The following ADK variants were observed in gnomAD, a reference collection of about 807,000 sequenced individuals.
ADK encodes N6,N6-dimethyladenosine kinase.
In ADK, 24 loss-of-function variants were observed where a neutral mutation model predicts 44.7. The ratio of observed to expected loss-of-function variants is 0.54; its 90% CI spans 0.39 to 0.76. The LOEUF (loss-of-function observed/expected upper bound fraction) is 0.76, where lower values mean the gene tolerates loss of function less well. ADK is among the 30% of genes least tolerant of loss of function. ADK has a pLI of 0.00. For synonymous variants in ADK, 128 were observed against 142.6 expected (o/e 0.90, Z 0.73); for missense variants, 321 against 425.1 (o/e 0.76, Z 2.15).
At chr10:74,669,813 G>A (rs1286582680) in intron 9 of ADK, among the ~76,000 whole-genome samples, 3 of 151,964 alleles carry the variant, frequency 2.0e-5, no homozygotes, top group Non-Finnish European at 2.9e-5. Flanking sequence ...AGTCAGGCTC[G>A]AAGCTTTTTT....
chr10:74,152,391 C>G (rs539254955), intron 1 of ADK, among the ~76,000 whole-genome samples: 125 of 152,270 alleles, frequency 8.2e-4, no homozygotes, highest in African/African-American at 2.9e-3. Flanking sequence ...AATAAAAACC[C>G]TCAGGATATT....
In ADK at chr10:74,655,788, A is replaced by G. The variant is rs540051344; in HGVS notation, c.878-14395A>G. ...CCCTGGCCACCCACCTATCCAGGAC[A>G]TCAAGCCCATCAAGGCAGAGGTACA... On this transcript the variant is annotated intron_variant, in intron 9 of 10. Transcript: ENST00000539909. 2.6e-4 allele frequency: 127 copies of G among 496,058 alleles called. 1 individual carries two copies. The highest frequency in any genetic ancestry group is 2.3e-3 in the African/African-American group (118 of 51,084). The allele number at this position is 496,058 out of a possible 1,614,324, so 30.7% of individuals were successfully genotyped here.
intron 6 of ADK, among the ~76,000 whole-genome samples, chr10:74,465,953 T>G: frequency 6.6e-6 from 1 of 152,284 alleles, no homozygotes; most frequent in South Asian, 2.1e-4. Context: ...TTTAATTGAT[T>G]TTATTGTTTG....
At chr10:74,669,241 A>G (rs922449383) in intron 9 of ADK, among the ~76,000 whole-genome samples, 1 of 152,166 alleles carries the variant, frequency 6.6e-6, no homozygotes, top group Non-Finnish European at 1.5e-5. Flanking sequence ...AAGTTTCTCA[A>G]GATCTCCTTT....
chr10:74,406,846 A>ATTGGCTG, intron 6 of ADK, among the ~76,000 whole-genome samples: 1 of 151,648 alleles, frequency 6.6e-6, no homozygotes, highest in Admixed American at 6.6e-5. Context: ...ACACCCGGCT[A>ATTGGCTG]ATTTTTGTAT....
At chr10:74,335,682 C>T (rs1331375249) in intron 4 of ADK, among the ~76,000 whole-genome samples, 1 of 152,152 alleles carries the variant, frequency 6.6e-6, no homozygotes, top group Admixed American at 6.5e-5. Flanking sequence ...CTAGTGGTTT[C>T]ACATCCTTTC....
At chr10:74,332,824 A>G (rs1234047640) in intron 4 of ADK, among the ~76,000 whole-genome samples, 1 of 152,214 alleles carries the variant, frequency 6.6e-6, no homozygotes, top group African/African-American at 2.4e-5. Context: ...CATAAGGAAT[A>G]TATGTCAAAT....
chr10:74,240,402 CTG>C (rs1284114457), intron 3 of ADK, among the ~76,000 whole-genome samples: 2 of 68,946 alleles, frequency 2.9e-5, no homozygotes, highest in African/African-American at 1.1e-4. Flanking sequence ...GTGTGTGTGT[CTG>C]TGTGTGTGTG....
chr10:74,609,169 T>C (rs1483232562), intron 9 of ADK, among the ~76,000 whole-genome samples: 1 of 152,186 alleles, frequency 6.6e-6, no homozygotes, highest in Non-Finnish European at 1.5e-5. Context: ...CTTAGCTTGC[T>C]GGGCTCCGTC....
chr10:74,643,586 A>T (rs1263992749), intron 9 of ADK, among the ~76,000 whole-genome samples: 2 of 152,154 alleles, frequency 1.3e-5, no homozygotes, highest in Non-Finnish European at 2.9e-5. Flanking sequence ...CTGTTTGTTA[A>T]GTTCAATATC....
intron 7 of ADK, among the ~76,000 whole-genome samples, chr10:74,535,038 T>C (rs1056879459): frequency 2.0e-5 from 3 of 152,234 alleles, no homozygotes; most frequent in Admixed American, 1.3e-4. Flanking sequence ...ATATGAGTTA[T>C]TTTTAATGTT....
chr10:74,515,174 G>A lies in ADK; in HGVS notation c.556-10082G>A, dbSNP rs551069380. On this transcript the variant is annotated intron_variant, in intron 6 of 10. Transcript: ENST00000539909. The stretch of plus-strand genomic sequence containing the variant: ...ATGAGTCTTGGGTTGTTGGTTTGGT[G>A]GGGTACATTAGCCTTATTTCTAGAT... 2.0e-5 allele frequency among the ~76,000 whole-genome samples: 3 copies of A among 152,280 alleles called. No homozygotes were observed. The South Asian group carries it at 6.2e-4, about 32-fold the overall frequency.
At chr10:74,383,007 G>A (rs930924005) in intron 4 of ADK, among the ~76,000 whole-genome samples, 12 of 151,676 alleles carry the variant, frequency 7.9e-5, no homozygotes, top group Admixed American at 2.0e-4. Flanking sequence ...TGGACTTCAA[G>A]CAGACTAACA....
intron 7 of ADK, among the ~76,000 whole-genome samples, chr10:74,529,951 G>C (rs929162466): frequency 2.0e-5 from 3 of 151,990 alleles, no homozygotes; most frequent in Non-Finnish European, 2.9e-5. Context: ...CCCTGCCTTT[G>C]CTTAAGTAAA....
intron 7 of ADK, among the ~76,000 whole-genome samples, chr10:74,575,294 T>A (rs1235623863): frequency 1.3e-5 from 2 of 152,218 alleles, no homozygotes; most frequent in East Asian, 3.8e-4. Context: ...CAAGAATGTA[T>A]AATCTAGTAG....
rs1172945144 is a variant in ADK, at chr10:74,458,119, C to CTTT, written c.555+59565_555+59567dup. Among the ~76,000 whole-genome samples the CTTT allele has an allele frequency of 2.1e-4, 16 of 74,464 alleles. 1 individual carries two copies. Among genetic ancestry groups the CTTT allele is most frequent in the African/African-American group, 7.2e-4 (12 of 16,732 alleles). The allele number at this position is 74,464 out of a possible 152,430, so 48.9% of individuals were successfully genotyped here. A position where few individuals can be genotyped will look rare whatever the true frequency, so the allele number is the denominator to read the frequency against. On this transcript the variant is annotated intron_variant, in intron 6 of 10. Coordinates refer to ENST00000539909, the MANE Select transcript of ADK (RefSeq NM_006721.4). The stretch of plus-strand genomic sequence containing the variant: ...TAATCTTTTTTAATGTGCATTAAAA[C>CTTT]TTTTTTTTTTTTTTTTTTTTTTTTT...
intron 6 of ADK, among the ~76,000 whole-genome samples, chr10:74,428,804 G>A (rs547581750): frequency 8.5e-5 from 13 of 152,312 alleles, no homozygotes; most frequent in Non-Finnish European, 1.6e-4. Flanking sequence ...ATGCAGTGGA[G>A]AAATCAGACA....
At chr10:74,356,729 C>T (rs1027091379) in intron 4 of ADK, among the ~76,000 whole-genome samples, 3 of 152,206 alleles carry the variant, frequency 2.0e-5, no homozygotes, top group Admixed American at 6.5e-5. Context: ...AGTATAACTT[C>T]TATGTAAACA....
intron 2 of ADK, among the ~76,000 whole-genome samples, chr10:74,205,032 C>T (rs1428210443): frequency 4.5e-5 from 4 of 89,332 alleles, no homozygotes; most frequent in African/African-American, 1.4e-4. Context: ...AGAGTTGACA[C>T]TCTGTCTCAA....
Sources: gnomAD v4.1 joint callset for allele counts (sites outside exome capture counted in the v4.1 genomes callset) on GRCh38, gnomAD v4.1.1 for gene constraint, MANE v1.5 for transcripts, NCBI Gene and HGNC (gene_info 2026-07-23, HGNC 2026-07-21) for gene names.